Variants in DDX54 observed in about 807,000 individuals in gnomAD.
DDX54 encodes ATP-dependent RNA helicase DDX54.
Under a neutral mutation model 105.5 loss-of-function variants are expected in DDX54, and 67 were observed. The ratio of observed to expected loss-of-function variants is 0.64; its 90% confidence interval spans 0.52 to 0.78. DDX54 has a LOEUF of 0.78. Among genes scored for constraint, DDX54 ranks in the 30% least tolerant of loss-of-function variants. DDX54 has a pLI of 0.00. For synonymous variants in DDX54, 514 were observed against 509.9 expected (o/e 1.01, Z -0.11); for missense variants, 1,206 against 1,230.5 (o/e 0.98, Z 0.30).
chr12:113,163,670 A>AC lies in DDX54; in HGVS notation c.1938+396dup, dbSNP rs750170599. On this transcript the variant is annotated intron_variant, in intron 15 of 19. Transcript: ENST00000306014. This position sits in a 1 kb window ranked among gnomAD's most constrained non-coding sequence, Gnocchi z 5.9. Reference sequence around the variant, plus strand: ...TCCAACTGGTCTTCTTGGCTACTGAACCCTCTGTCCAAACAAAACATGAGA... The same window carrying AC: ...TCCAACTGGTCTTCTTGGCTACTGAACCCCTCTGTCCAAACAAAACATGAGA... 4.0e-5 allele frequency among the ~76,000 whole-genome samples: 6 copies of AC among 151,612 alleles called. No homozygotes were observed. Among genetic ancestry groups the AC allele is most frequent in the Admixed American group, 6.6e-5 (1 of 15,232 alleles).
chr12:113,163,178 C>T lies in DDX54; in HGVS notation c.2035G>A (p.Glu679Lys), dbSNP rs1209746973. Residue 679 changes from glutamate (E) to lysine (K), a missense_variant, in exon 16 of 20, where the codon GAA becomes AAA. Glu to Lys is a moderately conservative substitution (Grantham distance 56). This residue lies in a region of DDX54 where 961 missense variants were observed against 1,019.1 expected (regional missense o/e 0.94). Transcript: ENST00000306014. This position sits in a 1 kb window ranked among gnomAD's most constrained non-coding sequence, Gnocchi z 5.9. ...RREEARQRDQ[E>K]FYIPYRPKDF... ...TTGGGCCGGTAGGGGATGTAGAATT[C>T]CTGGTCCCGCTGCCGGGCCTCCTCC... The T allele has an allele frequency of 2.5e-6, 4 of 1,612,892 alleles. No homozygotes were observed. The African/African-American group carries it at 4.0e-5, about 16-fold the overall frequency.
In DDX54 at chr12:113,180,976, C is replaced by T. The variant is rs138759738; in HGVS notation, c.257G>A (p.Arg86His). The T allele has an allele frequency of 3.0e-4, 491 of 1,613,772 alleles. 6 individuals carry two copies. The East Asian group carries it at 8.3e-3, about 27-fold the overall frequency. The change falls in exon 2 of 20, where the codon CGT (arginine) becomes CAT (histidine). Residue 86 changes from arginine (R) to histidine (H), a missense_variant. Around this residue, in one of 3 missense-constraint regions of DDX54, gnomAD observed 212 missense variants for 155.4 expected, o/e 1.36. Transcript: ENST00000306014. ...CTTCTTCTTCTTCTTGTTCTGGGCA[C>T]GCACCATCTCCCGGGTGTCCGGCTC... is the stretch of plus-strand genomic sequence containing the variant. ...DVEPDTREMV[R>H]AQNKKKKKSG...
At chr12:113,185,204 G>T (rs1566103072) in intron 1 of DDX54, 74 bp downstream of exon 1, 1 of 1,418,930 alleles carries the variant, frequency 7.0e-7, no homozygotes. Flanking sequence ...CCCAGCTGGG[G>T]AAACTGAGGC....
At chr12:113,181,147 C>T (rs530163373) in intron 1 of DDX54, 89 bp from the exon 2 acceptor site, 7 of 1,450,270 alleles carry the variant, frequency 4.8e-6, no homozygotes, top group African/African-American at 4.4e-5. Flanking sequence ...TGCCCTCTCT[C>T]CCCCATTCAA....
chr12:113,165,619 G>C, intron 14 of DDX54, 25 bp downstream of exon 14: 1 of 1,581,444 alleles, frequency 6.3e-7, no homozygotes, highest in Non-Finnish European at 8.6e-7. Context: ...GACTCAGAGC[G>C]TGGTCTCCAC....
intron 2 of DDX54, among the ~76,000 whole-genome samples, chr12:113,180,386 G>A (rs962436807): frequency 1.3e-5 from 2 of 152,128 alleles, no homozygotes; most frequent in African/African-American, 2.4e-5. Flanking sequence ...GGTGTGGGGA[G>A]GGACTCTTGT....
At chr12:113,161,809 CCG>C in intron 18 of DDX54, 82 bp downstream of exon 18, 1 of 303,676 alleles carries the variant, frequency 3.3e-6, no homozygotes, top group Non-Finnish European at 6.1e-6. Flanking sequence ...GCCCCCGCCC[CCG>C]CCCCCAGGTT....
At chr12:113,174,076 G>A (rs768867074) in intron 10 of DDX54, among the ~76,000 whole-genome samples, 2 of 152,036 alleles carry the variant, frequency 1.3e-5, no homozygotes, top group Non-Finnish European at 2.9e-5. Context: ...CTACTCAGGA[G>A]GATGAGGCAG....
At position 113,174,622 on chromosome 12, in the gene DDX54, A is replaced by G; in HGVS notation, c.1068+18T>C. 6.2e-7 allele frequency: 1 copy of G among 1,608,856 alleles called. No individual in the cohort carries two copies. Among genetic ancestry groups the G allele is most frequent in the South Asian group, 1.1e-5 (1 of 90,836 alleles). ...TCCAGCTGAAGGAGGTGCTCCTCCC[A>G]CTCAGGACCCTGCTCACCTCAGTGA... On this transcript the variant is annotated intron_variant, in intron 10 of 19. Transcript: ENST00000306014.
chr12:113,179,644 G>A (rs1184434773), intron 3 of DDX54, among the ~76,000 whole-genome samples: 1 of 152,184 alleles, frequency 6.6e-6, no homozygotes, highest in Non-Finnish European at 1.5e-5. Flanking sequence ...AAATGTCTAA[G>A]AAGAATAATC....
intron 11 of DDX54, 139 bp from the exon 12 acceptor site, chr12:113,170,043 G>C (rs1566096547): frequency 8.1e-7 from 1 of 1,240,738 alleles, no homozygotes; most frequent in South Asian, 1.5e-5. Flanking sequence ...CTACGCACAG[G>C]GAAGTTTAAT....
chr12:113,177,554 G>A (rs899841602), intron 5 of DDX54, among the ~76,000 whole-genome samples: 1 of 152,036 alleles, frequency 6.6e-6, no homozygotes, highest in African/African-American at 2.4e-5. Context: ...GGTAGTCCTG[G>A]GCCAGGACTA....
intron 1 of DDX54, among the ~76,000 whole-genome samples, chr12:113,182,717 C>G (rs1041230137): frequency 6.6e-6 from 1 of 151,144 alleles, no homozygotes; most frequent in Non-Finnish European, 1.5e-5. Context: ...GCCACCAGCC[C>G]GGCTAATTTT....
At chr12:113,159,840 C>T (rs1019163972) in intron 19 of DDX54, among the ~76,000 whole-genome samples, 3 of 152,130 alleles carry the variant, frequency 2.0e-5, no homozygotes, top group South Asian at 4.1e-4. Flanking sequence ...CCCTCCCTGG[C>T]TCCCACTAAG....
rs1346612935 is a variant in DDX54 at position 113,159,036 on chromosome 12, G to A, written c.2487C>T (p.Ile829=). The change falls in exon 20 of 20, where the codon ATC becomes ATT. Residue 829 remains isoleucine, a synonymous_variant. Coordinates refer to ENST00000306014, the MANE Select transcript of DDX54 (RefSeq NM_024072.4). The part of the protein sequence containing the change: ...VRPELKTKQQ[I]LKQRRRAQKL... ...TCTGGGCCCGGCGCCGCTGCTTCAG[G>A]ATCTGCTGCTTGGTCTTGAGTTCCG... The A allele has an allele frequency of 3.1e-6, 5 of 1,611,606 alleles. No individual in the cohort carries two copies. The South Asian group carries it at 4.4e-5, about 14-fold the overall frequency.
At chr12:113,172,107 C>T (rs934717599) in intron 11 of DDX54, among the ~76,000 whole-genome samples, 2 of 151,472 alleles carry the variant, frequency 1.3e-5, no homozygotes, top group African/African-American at 4.8e-5. Context: ...AAACCATAAG[C>T]TGAATAATTG....
Position 113,158,945 on chromosome 12 carries a change from C to T in DDX54, c.2578G>A (p.Glu860Lys), listed in dbSNP as rs1952169996. ...LSARNRRRVQELQQGAFGRGA... is the reference protein window; with the variant it reads ...LSARNRRRVQKLQQGAFGRGA... ...CGGCCGAAGGCGCCCTGCTGCAGCT[C>T]CTGGACGCGGCGGCGGTTGCGGGCA... Residue 860 changes from glutamate (E) to lysine (K), a missense_variant, in exon 20 of 20, where the codon GAG becomes AAG. Coordinates refer to ENST00000306014, the MANE Select transcript of DDX54 (RefSeq NM_024072.4). This position sits in a 1 kb window ranked among gnomAD's most constrained non-coding sequence, Gnocchi z 4.9. 3.1e-6 allele frequency: 5 copies of T among 1,611,496 alleles called. No homozygotes were observed. Among genetic ancestry groups the T allele is most frequent in the Non-Finnish European group, 4.2e-6 (5 of 1,178,730 alleles).
intron 5 of DDX54, among the ~76,000 whole-genome samples, chr12:113,178,751 C>T (rs1952433459): frequency 6.6e-6 from 1 of 152,168 alleles, no homozygotes; most frequent in African/African-American, 2.4e-5. Flanking sequence ...CTATGTTGGT[C>T]AGGCTGGTCT....
intron 7 of DDX54, 148 bp from the exon 8 acceptor site, chr12:113,175,305 A>G (rs1024642946): frequency 3.6e-6 from 4 of 1,121,474 alleles, no homozygotes; most frequent in Non-Finnish European, 4.9e-6. Flanking sequence ...ACGTGACTTC[A>G]TCCTAAACAA....
Sources: allele counts gnomAD v4.1 joint callset (sites outside exome capture counted in the v4.1 genomes callset), GRCh38; gene constraint gnomAD v4.1.1; regional missense constraint gnomAD v4.1.1; non-coding constraint Gnocchi (gnomAD v3.1); transcripts MANE v1.5; gene names NCBI Gene and HGNC (gene_info 2026-07-23, HGNC 2026-07-21).